Variants in PDE1C observed in about 807,000 individuals in gnomAD.
The protein encoded by PDE1C is dual specificity calcium/calmodulin-dependent 3',5'-cyclic nucleotide phosphodiesterase 1C.
Under a neutral mutation model 93.1 loss-of-function variants are expected in PDE1C, and 62 were observed. That is an observed-to-expected ratio of 0.67 (90% CI 0.54 to 0.82). PDE1C has a LOEUF of 0.82. PDE1C is among the 40% of genes least tolerant of loss of function. The pLI, the probability that PDE1C is intolerant of heterozygous loss-of-function variation, is 0.00. For missense variants in PDE1C, 742 were observed against 884.6 expected (o/e 0.84, Z 2.04); for synonymous variants, 325 against 310.1 (o/e 1.05, Z -0.50).
intron 1 of PDE1C, among the ~76,000 whole-genome samples, chr7:32,262,661 C>G (rs527392533): frequency 6.6e-5 from 10 of 152,314 alleles, no homozygotes; most frequent in African/African-American, 2.4e-4. Flanking sequence ...TGAGCCACAG[C>G]TGGGGTTTTC....
chr7:31,925,037 TTCTG>T (rs1803168615), intron 2 of PDE1C, among the ~76,000 whole-genome samples: 1 of 116,260 alleles, frequency 8.6e-6, no homozygotes, highest in African/African-American at 3.4e-5. Flanking sequence ...AAGTAGACAT[TTCTG>T]TGTGTGTGTG....
At chr7:31,685,525 C>A in the PDE1C span, among the ~76,000 whole-genome samples, 1 of 152,138 alleles carries the variant, frequency 6.6e-6, no homozygotes, top group Non-Finnish European at 1.5e-5. Flanking sequence ...GAAAGTATAT[C>A]TTTTCCACTC....
intron 2 of PDE1C, among the ~76,000 whole-genome samples, chr7:31,931,925 C>A (rs73094503): frequency 0.36 from 54,304 of 151,964 alleles, 10,871 homozygotes; most frequent in Non-Finnish European, 0.44. Flanking sequence ...CACCTACAAC[C>A]ATCTGATCTT....
chr7:31,809,691 A>C (rs1229986618), intron 15 of PDE1C, among the ~76,000 whole-genome samples: 1 of 152,110 alleles, frequency 6.6e-6, no homozygotes, highest in Non-Finnish European at 1.5e-5. Context: ...TTCCAAGAGT[A>C]CTGGAGCTGG....
At chr7:31,737,800 C>CAA in the PDE1C span, among the ~76,000 whole-genome samples, 21,078 of 92,754 alleles carry the variant, frequency 0.23, 2,532 homozygotes, top group African/African-American at 0.29. Context: ...CACTCCATCT[C>CAA]AAAAAAAAAA....
At chr7:32,181,240 G>C (rs774932711) in intron 2 of PDE1C, among the ~76,000 whole-genome samples, 4 of 152,018 alleles carry the variant, frequency 2.6e-5, no homozygotes, top group African/African-American at 9.7e-5. Flanking sequence ...ACAGATCAAC[G>C]AGACAGAAAG....
the PDE1C span, among the ~76,000 whole-genome samples, chr7:31,735,819 C>T: frequency 2.0e-5 from 3 of 152,108 alleles, no homozygotes; most frequent in African/African-American, 4.8e-5. Flanking sequence ...ATTGTATATA[C>T]GGTCATCCCT....
rs192410301 is a variant in PDE1C, at chr7:32,227,309, G to A, written c.86-17770C>T. ...GGCACAGAGAAGGGAACATCCTCAG[G>A]GAAGCCCACCCTATACCACCCACGA... On this transcript the variant is annotated intron_variant, in intron 1 of 18. Coordinates refer to the PDE1C transcript ENST00000396193. 2.4e-3 allele frequency among the ~76,000 whole-genome samples: 370 copies of A among 152,230 alleles called. 1 individual carries two copies. The highest frequency in any genetic ancestry group is 4.1e-3 in the Admixed American group (63 of 15,286).
chr7:32,399,061 G>A (rs1472271387), intron 1 of PDE1C, among the ~76,000 whole-genome samples: 2 of 152,132 alleles, frequency 1.3e-5, no homozygotes, highest in Admixed American at 6.5e-5. Context: ...TTCAGTATAT[G>A]GTGTGAATAC....
the PDE1C span, among the ~76,000 whole-genome samples, chr7:31,724,475 G>A: frequency 2.0e-5 from 3 of 152,134 alleles, no homozygotes; most frequent in African/African-American, 4.8e-5. Flanking sequence ...AATATCATCC[G>A]AAATTCTGAT....
At chr7:32,406,567 C>A (rs944396553) in intron 1 of PDE1C, among the ~76,000 whole-genome samples, 1 of 151,226 alleles carries the variant, frequency 6.6e-6, no homozygotes, top group Non-Finnish European at 1.5e-5. Context: ...CCAGAAAAAT[C>A]CAATTGTATA....
At chr7:32,119,843 G>T (rs923840509) in intron 3 of PDE1C, among the ~76,000 whole-genome samples, 3 of 152,214 alleles carry the variant, frequency 2.0e-5, no homozygotes, top group Non-Finnish European at 2.9e-5. Flanking sequence ...CAGCCTCTCA[G>T]CTAGAATCTG....
chr7:32,098,026 C>T (rs377763763), intron 3 of PDE1C, among the ~76,000 whole-genome samples: 4 of 148,458 alleles, frequency 2.7e-5, no homozygotes, highest in Admixed American at 6.6e-5. Context: ...GTCAGGAGAT[C>T]GAGACCATCC....
At chr7:31,786,422 G>A (rs1783946614) in intron 16 of PDE1C, 1 of 151,102 alleles carries the variant, frequency 6.6e-6, no homozygotes, top group Non-Finnish European at 1.5e-5. Context: ...TAAGCTATTT[G>A]TGTGAGTAGG....
chr7:31,794,032 AT>A (rs1439624554), intron 16 of PDE1C, among the ~76,000 whole-genome samples: 1 of 122,460 alleles, frequency 8.2e-6, no homozygotes, highest in African/African-American at 3.2e-5. Context: ...AGATAGATAG[AT>A]AGATAGATAG....
chr7:31,790,046 A>C, intron 16 of PDE1C: 1 of 1,387,890 alleles, frequency 7.2e-7, no homozygotes, highest in African/African-American at 1.5e-5. Context: ...ACCTCAAACC[A>C]ACCCCCAAAG....
At chr7:31,735,682 G>A in the PDE1C span, among the ~76,000 whole-genome samples, 1 of 152,198 alleles carries the variant, frequency 6.6e-6, no homozygotes, top group African/African-American at 2.4e-5. Context: ...TTACAAAATA[G>A]AATGTCTGCT....
chr7:32,088,781 G>A (rs73098696), intron 3 of PDE1C, among the ~76,000 whole-genome samples: 85,879 of 152,088 alleles, frequency 0.56, 24,496 homozygotes, highest in South Asian at 0.67. Context: ...GAAGCAGTGC[G>A]GAGAAGAGGC....
At chr7:31,695,253 G>A in the PDE1C span, among the ~76,000 whole-genome samples, 1 of 152,046 alleles carries the variant, frequency 6.6e-6, no homozygotes, top group Non-Finnish European at 1.5e-5. Context: ...TCCTTAATTT[G>A]GAGTTTTACA....
Sources: gnomAD v4.1 joint callset for allele counts (sites outside exome capture counted in the v4.1 genomes callset) on GRCh38, gnomAD v4.1.1 for gene constraint, MANE v1.5 for transcripts, NCBI Gene and HGNC (gene_info 2026-07-23, HGNC 2026-07-21) for gene names.